Variants in PHEX observed in about 807,000 individuals in gnomAD.
PHEX encodes the protein phosphate-regulating neutral endopeptidase PHEX.
Under a neutral mutation model 68.0 loss-of-function variants are expected in PHEX, and 16 were observed. The observed-to-expected ratio is 0.24, with a 90% CI of 0.16 to 0.36. The LOEUF (loss-of-function observed/expected upper bound fraction) is 0.36. PHEX is among the 10% of genes least tolerant of loss of function. The pLI, the probability that PHEX is intolerant of heterozygous loss-of-function variation, is 1.00. For synonymous variants in PHEX, 208 were observed against 205.1 expected (o/e 1.01, Z -0.12); for missense variants, 480 against 575.5 (o/e 0.83, Z 1.70).
intron 2 of PHEX, among the ~76,000 whole-genome samples, chrX:22,045,222 C>T (rs928066359): frequency 8.9e-6 from 1 of 111,876 alleles, no homozygotes; most frequent in Admixed American, 9.6e-5. Context: ...TGTAACCAAA[C>T]TGTAAGATAT....
chrX:22,220,514 A>G (rs950264027), intron 17 of PHEX, among the ~76,000 whole-genome samples: 1 of 111,679 alleles, frequency 9.0e-6, no homozygotes, highest in African/African-American at 3.3e-5. Context: ...AGAAAAAAAA[A>G]AGCTAATAGT....
chrX:22,243,983 C>T (rs962238298), intron 20 of PHEX, among the ~76,000 whole-genome samples: 9 of 111,944 alleles, frequency 8.0e-5, no homozygotes, highest in African/African-American at 2.3e-4. Flanking sequence ...ACCATGCATA[C>T]GTATGTTTAT....
chrX:22,182,592 TTGTGTGTGTG>T (rs9331474), intron 14 of PHEX, among the ~76,000 whole-genome samples: 2 of 102,983 alleles, frequency 1.9e-5, no homozygotes, highest in Non-Finnish European at 4.0e-5. Context: ...TGAAGATGCT[TTGTGTGTGTG>T]TGTGTGTGTG....
intron 12 of PHEX, among the ~76,000 whole-genome samples, chrX:22,160,014 A>G (rs1345745302): frequency 1.8e-5 from 2 of 112,358 alleles, no homozygotes; most frequent in African/African-American, 6.5e-5. Flanking sequence ...TAAGTAATCG[A>G]TAATATTACG....
At chrX:22,155,223 A>G (rs975892151) in intron 12 of PHEX, among the ~76,000 whole-genome samples, 2 of 112,721 alleles carry the variant, frequency 1.8e-5, no homozygotes, top group Non-Finnish European at 3.8e-5. Flanking sequence ...ACACTTGTCT[A>G]ATTTAATAAT....
chrX:22,057,558 T>C (rs1377193236), intron 3 of PHEX, among the ~76,000 whole-genome samples: 1 of 110,490 alleles, frequency 9.1e-6, no homozygotes, highest in Non-Finnish European at 1.9e-5. Flanking sequence ...ACAACTGCAC[T>C]TCATCCAGGG....
At chrX:22,226,682 T>C (rs1310259649) in intron 19 of PHEX, among the ~76,000 whole-genome samples, 174 bp downstream of exon 19, 1 of 111,973 alleles carries the variant, frequency 8.9e-6, no homozygotes, top group Non-Finnish European at 1.9e-5. Context: ...AAGAGAACTA[T>C]ATTTCTTTTT....
intron 11 of PHEX, among the ~76,000 whole-genome samples, chrX:22,133,130 C>T (rs1287049273): frequency 8.9e-6 from 1 of 111,921 alleles, no homozygotes; most frequent in African/African-American, 3.3e-5. Context: ...AAGGGATCTG[C>T]TCATCTCAGC....
At position 22,247,516 on chromosome X, in the gene PHEX, C is replaced by T. The variant is rs145741977; in HGVS notation, c.2148-335C>T. Among the ~76,000 whole-genome samples the T allele has an allele frequency of 0.013, 1,452 of 111,987 alleles. 20 individuals carry two copies. The highest frequency in any genetic ancestry group is 0.045 in the African/African-American group (1,397 of 30,825). ...TACACACAAAAACTGGCAAGTCCTA[C>T]GTTTAATATTTTGCATACTTTATGT... On this transcript the variant is annotated intron_variant, in intron 21 of 21. Transcript: ENST00000379374.
At chrX:22,241,806 G>A (rs1254096848) in intron 20 of PHEX, among the ~76,000 whole-genome samples, 3 of 111,772 alleles carry the variant, frequency 2.7e-5, no homozygotes, top group Non-Finnish European at 5.6e-5. Flanking sequence ...AAAAAAAGTT[G>A]TTGAGGACCA....
At chrX:22,100,823 T>C (rs1463051149) in intron 9 of PHEX, among the ~76,000 whole-genome samples, 3 of 111,448 alleles carry the variant, frequency 2.7e-5, no homozygotes, top group Middle Eastern at 4.6e-3. Context: ...AGAAAAAACA[T>C]AGATGGAAAA....
At chrX:22,232,322 C>A (rs1285529375) in intron 20 of PHEX, among the ~76,000 whole-genome samples, 1 of 110,555 alleles carries the variant, frequency 9.0e-6, no homozygotes, top group African/African-American at 3.3e-5. Flanking sequence ...TTCTGGATAT[C>A]CTTGTTAATT....
intron 3 of PHEX, among the ~76,000 whole-genome samples, chrX:22,073,590 G>T (rs1278434564): frequency 3.0e-5 from 3 of 100,640 alleles, no homozygotes; most frequent in Non-Finnish European, 4.0e-5. Flanking sequence ...ATGATCAGAA[G>T]AACTTCTCAA....
In PHEX at chrX:22,242,573, A is replaced by G. The variant is rs757506714; in HGVS notation, c.2071-2760A>G. Among the ~76,000 whole-genome samples the G allele has an allele frequency of 3.6e-5, 4 of 112,255 alleles. No homozygotes were observed. The East Asian group carries it at 1.1e-3, about 31-fold the overall frequency. ...TCTCCTTAAGCTGATAAGCAACTTC[A>G]GCAAAGTCTCAGGATACAAAATCAA... is the stretch of plus-strand genomic sequence containing the variant. On this transcript the variant is annotated intron_variant, in intron 20 of 21. Coordinates refer to ENST00000379374, the MANE Select transcript of PHEX (RefSeq NM_000444.6).
chrX:22,180,533 A>G (rs1285454004), intron 14 of PHEX, among the ~76,000 whole-genome samples: 1 of 112,029 alleles, frequency 8.9e-6, no homozygotes, highest in Non-Finnish European at 1.9e-5. Context: ...TATGAGGTAC[A>G]TGAGATATTT....
At chrX:22,100,903 G>A (rs1930387236) in intron 9 of PHEX, among the ~76,000 whole-genome samples, 1 of 111,696 alleles carries the variant, frequency 9.0e-6, no homozygotes. Context: ...CAGGCGCGGT[G>A]GCTCACACCT....
intron 15 of PHEX, among the ~76,000 whole-genome samples, chrX:22,203,077 G>C (rs1411592547): frequency 9.0e-6 from 1 of 111,221 alleles, no homozygotes; most frequent in Non-Finnish European, 1.9e-5. Flanking sequence ...GTTGGGTAAA[G>C]GTGGGGTGAC....
intron 3 of PHEX, among the ~76,000 whole-genome samples, chrX:22,049,318 T>C (rs1337331311): frequency 9.1e-6 from 1 of 109,386 alleles, no homozygotes; most frequent in African/African-American, 3.3e-5. Flanking sequence ...TTCACCATGT[T>C]GGTCAGGCTA....
chrX:22,246,988 A>G (rs907009152), intron 21 of PHEX, among the ~76,000 whole-genome samples: 1 of 111,622 alleles, frequency 9.0e-6, no homozygotes, highest in Non-Finnish European at 1.9e-5. Flanking sequence ...TTTTGAGTGC[A>G]GCAGAAATCA....
Sources: gnomAD v4.1 joint callset for allele counts (sites outside exome capture counted in the v4.1 genomes callset) on GRCh38, gnomAD v4.1.1 for gene constraint, MANE v1.5 for transcripts, NCBI Gene and HGNC (gene_info 2026-07-23, HGNC 2026-07-21) for gene names.